Variants in SCLY observed in about 807,000 individuals in gnomAD.
SCLY encodes the protein selenocysteine lyase, also known as putative selenocysteine lyase.
SCLY carries 38 observed loss-of-function variants against 50.1 expected under a neutral mutation model. The ratio of observed to expected loss-of-function variants is 0.76; its 90% confidence interval spans 0.59 to 0.99. SCLY has a LOEUF of 0.99. Among genes scored for constraint, SCLY ranks in the 50% least tolerant of loss-of-function variants. The pLI is 0.00. For missense variants in SCLY, 600 were observed against 620.0 expected, an observed-to-expected ratio of 0.97 and a Z score of 0.34; for synonymous variants, 243 against 249.4, an observed-to-expected ratio of 0.97 and a Z score of 0.24.
chr2:238,062,571 A>T (rs1449382806), intron 1 of SCLY, among the ~76,000 whole-genome samples: 1 of 152,184 alleles, frequency 6.6e-6, no homozygotes, highest in Non-Finnish European at 1.5e-5. Context: ...CACCACGTCC[A>T]GCTAATTTTA....
Position 238,098,183 on chromosome 2 carries a change from T to A in SCLY, c.1185-19T>A, listed in dbSNP as rs1002941698. 3.7e-6 allele frequency: 6 copies of A among 1,605,882 alleles called. No individual in the cohort carries two copies. The Admixed American group carries it at 5.0e-5, about 13-fold the overall frequency. On this transcript the variant is annotated intron_variant, in intron 11 of 11. Transcript: ENST00000254663. ...ATGTGCCCTCAGCAGCAGCTGCAGC[T>A]CGGTCTCGCCCTCCCCAGGCCGTCC...
intron 4 of SCLY, chr2:238,073,680 C>T: frequency 2.2e-6 from 1 of 450,046 alleles, no homozygotes; most frequent in East Asian, 7.2e-5. Flanking sequence ...CCTTGAACAA[C>T]ATGGGTTTGA....
Position 238,093,925 on chromosome 2 carries a change from A to C in SCLY, c.986A>C (p.Tyr329Ser). 1 of 1,613,850 alleles carries C rather than the reference A, an allele frequency of 6.2e-7. No individual in the cohort carries two copies. The highest frequency in any genetic ancestry group is 8.5e-7 in the Non-Finnish European group (1 of 1,179,974). Residue 329 changes from tyrosine (Y) to serine (S), a missense_variant, in exon 9 of 12, where the codon TAC becomes TCC. Tyr to Ser is a moderately radical substitution (Grantham distance 144). Transcript: ENST00000254663. ...YEAHMRDVRD[Y>S]LEERLEAEFG... ...GCCCACATGAGGGACGTCCGCGACT[A>C]CCTGGAAGAGAGGCTGGAAGTGAGC...
Position 238,083,154 on chromosome 2 carries a change from G to A in SCLY, c.778-94G>A, listed in dbSNP as rs931551130. The stretch of plus-strand genomic sequence containing the variant: ...AAGCAGCAGGACTATGCATTGCAGA[G>A]CATTTCTCCTGTGTGCCCCTAAGCA... On this transcript the variant is annotated intron_variant, in intron 6 of 11. Transcript: ENST00000254663. This position sits in a 1 kb window ranked among gnomAD's most constrained non-coding sequence, Gnocchi z 4.3. 1.1e-5 allele frequency: 10 copies of A among 887,632 alleles called. No homozygotes were observed. Among genetic ancestry groups the A allele is most frequent in the Non-Finnish European group, 1.9e-5 (10 of 520,680 alleles). The allele number at this position is 887,632 out of a possible 1,614,324, so 55.0% of individuals were successfully genotyped here.
intron 7 of SCLY, among the ~76,000 whole-genome samples, chr2:238,084,976 C>T (rs143325999): frequency 2.0e-5 from 3 of 150,608 alleles, no homozygotes; most frequent in South Asian, 4.2e-4. Context: ...GCCAGCACAA[C>T]GTCAGAAAAT....
intron 7 of SCLY, among the ~76,000 whole-genome samples, chr2:238,084,893 CAAAAAAAAAA>C (rs377025100): frequency 9.3e-6 from 1 of 107,510 alleles, no homozygotes; most frequent in African/African-American, 3.7e-5. Flanking sequence ...GACTCCATCT[CAAAAAAAAAA>C]AAAAAAAAGA....
At chr2:238,064,584 G>A (rs1412875013) in intron 2 of SCLY, 115 bp downstream of exon 2, 3 of 559,850 alleles carry the variant, frequency 5.4e-6, no homozygotes, top group African/African-American at 2.0e-5. Context: ...TCTGTTAGCT[G>A]CAATTCTTGA....
chr2:238,093,954 G>A lies in SCLY; in HGVS notation c.1005+10G>A, dbSNP rs2065396886. The A allele has an allele frequency of 6.2e-7, 1 of 1,611,426 alleles. No homozygotes were observed. The highest frequency in any genetic ancestry group is 8.5e-7 in the Non-Finnish European group (1 of 1,179,020). On this transcript the variant is annotated intron_variant, in intron 9 of 11. Coordinates refer to ENST00000254663, the MANE Select transcript of SCLY (RefSeq NM_016510.7). ...GGAAGAGAGGCTGGAAGTGAGCGCA[G>A]CGTGGGGTGGGCACCAGGAGGGGGA...
intron 2 of SCLY, among the ~76,000 whole-genome samples, chr2:238,065,660 T>TTCATTATTATTATTA (rs1553564089): frequency 7.0e-6 from 1 of 143,514 alleles, no homozygotes; most frequent in Non-Finnish European, 1.5e-5. Flanking sequence ...AATATTTTAT[T>TTCATTATTATTATTA]TTATTATTAT....
At position 238,098,591 on chromosome 2, in the gene SCLY, A is replaced by AGGACCGCCTACATG; in HGVS notation, c.*244_*245insTACATGGGACCGCC. 1 of 305,240 alleles carries AGGACCGCCTACATG rather than the reference A, an allele frequency of 3.3e-6. No individual in the cohort carries two copies. Among genetic ancestry groups the AGGACCGCCTACATG allele is most frequent in the Non-Finnish European group, 5.5e-6 (1 of 183,414 alleles). 18.9% of individuals were successfully genotyped at this position (305,240 alleles called of 1,614,324 possible). On this transcript the variant is annotated 3_prime_UTR_variant, in exon 12 of 12. Coordinates refer to ENST00000254663, the MANE Select transcript of SCLY (RefSeq NM_016510.7). ...ACTGCCCACATGGGACCGCCCACAT[A>AGGACCGCCTACATG]GGACCGCCCACATAGGACCGCCCAC... is the stretch of plus-strand genomic sequence containing the variant.
Position 238,098,635 on chromosome 2 carries a change from G to GAACGCCCACATAGGAACGCCCACATAGA in SCLY, c.*281_*282insACGCCCACATAGGAACGCCCACATAGAA, listed in dbSNP as rs1559254799. ...CGCCCACATGGGACCGCCCACATGG[G>GAACGCCCACATAGGAACGCCCACATAGA]ACCGCCCACATGGGACCGCCCACAT... is the stretch of plus-strand genomic sequence containing the variant. On this transcript the variant is annotated 3_prime_UTR_variant, in exon 12 of 12. Transcript: ENST00000254663. 1 of 274,120 alleles carries GAACGCCCACATAGGAACGCCCACATAGA rather than the reference G, an allele frequency of 3.6e-6. No individual in the cohort carries two copies. Among genetic ancestry groups the GAACGCCCACATAGGAACGCCCACATAGA allele is most frequent in the African/African-American group, 4.3e-5 (1 of 23,188 alleles). 17.0% of individuals were successfully genotyped at this position (274,120 alleles called of 1,614,324 possible). A position where few individuals can be genotyped will look rare whatever the true frequency, so the allele number is the denominator to read the frequency against.
intron 10 of SCLY, among the ~76,000 whole-genome samples, chr2:238,095,117 T>C (rs1183666844): frequency 6.6e-6 from 1 of 152,124 alleles, no homozygotes; most frequent in African/African-American, 2.4e-5. Flanking sequence ...GCAGGAGAAT[T>C]GCTTGAACCT....
chr2:238,078,362 T>C (rs1400064011), intron 4 of SCLY, among the ~76,000 whole-genome samples: 2 of 152,224 alleles, frequency 1.3e-5, no homozygotes, highest in African/African-American at 4.8e-5. Context: ...ATTTTCACTT[T>C]TTGTTTCCTA....
chr2:238,096,732 C>T lies in SCLY; in HGVS notation c.1109-69C>T, dbSNP rs1345458686. The T allele has an allele frequency of 2.0e-6, 3 of 1,516,624 alleles. No homozygotes were observed. The African/African-American group carries it at 4.1e-5, about 21-fold the overall frequency. 93.9% of individuals were successfully genotyped at this position (1,516,624 alleles called of 1,614,324 possible). A position where few individuals can be genotyped will look rare whatever the true frequency, so the allele number is the denominator to read the frequency against. On this transcript the variant is annotated intron_variant, in intron 10 of 11. Coordinates refer to ENST00000254663, the MANE Select transcript of SCLY (RefSeq NM_016510.7). ...GGGAAGCAGCCTGCGCCCAGCAGGA[C>T]CCCGGGAAGGGACAGAAGGGCAACC... is the stretch of plus-strand genomic sequence containing the variant.
rs1230948531 is a variant in SCLY at position 238,067,108 on chromosome 2, CTG to C, written c.203-956_203-955del. ...TGGGGACACAGCCAAACCATTATCA[CTG>C]AGAGAGGGAAGGCTGAGAGTGAGGG... On this transcript the variant is annotated intron_variant, in intron 2 of 11. Transcript: ENST00000254663. This position sits in a 1 kb window ranked among gnomAD's most constrained non-coding sequence, Gnocchi z 4.3. Among the ~76,000 whole-genome samples, 2 of 152,100 alleles carry C rather than the reference CTG, an allele frequency of 1.3e-5. No homozygotes were observed. Among genetic ancestry groups the C allele is most frequent in the Non-Finnish European group, 2.9e-5 (2 of 68,026 alleles).
chr2:238,098,413 G>GT lies in SCLY; in HGVS notation c.*59dup, dbSNP rs1691288147. The stretch of plus-strand genomic sequence containing the variant: ...GAAGCCCGTGGCAGGGCACAGGGTT[G>GT]TCCCTCCAGTTCCCTCCTGAGGGCT... On this transcript the variant is annotated 3_prime_UTR_variant, in exon 12 of 12. Transcript: ENST00000254663. 10 of 1,507,374 alleles carry GT rather than the reference G, an allele frequency of 6.6e-6. No individual in the cohort carries two copies. In the East Asian group the frequency reaches 2.4e-4, roughly 36 times the overall value. 93.4% of individuals were successfully genotyped at this position (1,507,374 alleles called of 1,614,324 possible).
At chr2:238,093,624 C>G in intron 8 of SCLY, 2 of 541,048 alleles carry the variant, frequency 3.7e-6, no homozygotes, top group Non-Finnish European at 6.6e-6. Flanking sequence ...GGAGCCCTTT[C>G]AGGGCTGCTT....
chr2:238,098,104 G>T, intron 11 of SCLY, 98 bp from the exon 12 acceptor site: 1 of 1,418,290 alleles, frequency 7.1e-7, no homozygotes, highest in Non-Finnish European at 9.5e-7. Flanking sequence ...ACATCCGGGT[G>T]GGCAGAGCCC....
intron 5 of SCLY, 79 bp from the exon 6 acceptor site, chr2:238,081,966 C>T (rs1245341755): frequency 5.1e-6 from 8 of 1,577,474 alleles, no homozygotes; most frequent in South Asian, 2.3e-5. Context: ...ATTTGGCCTG[C>T]GCTCACTACT....
Sources: allele counts gnomAD v4.1 joint callset (sites outside exome capture counted in the v4.1 genomes callset), GRCh38; gene constraint gnomAD v4.1.1; non-coding constraint Gnocchi (gnomAD v3.1); transcripts MANE v1.5; gene names NCBI Gene and HGNC (gene_info 2026-07-23, HGNC 2026-07-21).